PYGO1: variants seen among roughly 807,000 people sequenced by gnomAD.
The protein encoded by PYGO1 is pygopus family PHD finger 1.
Under a neutral mutation model 29.5 loss-of-function variants are expected in PYGO1, and 6 were observed. The ratio of observed to expected loss-of-function variants is 0.20; its 90% confidence interval spans 0.11 to 0.40. The LOEUF is 0.40. Among genes scored for constraint, PYGO1 ranks in the 10% least tolerant of loss-of-function variants. The pLI, the probability that PYGO1 is intolerant of heterozygous loss-of-function variation, is 1.00. For missense variants in PYGO1, 515 were observed against 514.9 expected, an observed-to-expected ratio of 1.00 and a Z score of 0.00; for synonymous variants, 186 against 180.5, an observed-to-expected ratio of 1.03 and a Z score of -0.24.
chr15:55,553,421 G>A lies in PYGO1; in HGVS notation c.50-4426C>T, dbSNP rs7167923. On this transcript the variant is annotated intron_variant, in intron 1 of 2. Transcript: ENST00000563719. ...TTCCTTTTTTTTTTTTTTTAAGAAGGAGTTTCGCTCTGTTGCCAGGCTGGA... is the reference window on the plus strand; with the variant it reads ...TTCCTTTTTTTTTTTTTTTAAGAAGAAGTTTCGCTCTGTTGCCAGGCTGGA... 8.6e-3 allele frequency among the ~76,000 whole-genome samples: 1,303 copies of A among 150,820 alleles called. 15 individuals carry two copies. Among genetic ancestry groups the A allele is most frequent in the African/African-American group, 0.03 (1,214 of 40,992 alleles).
At chr15:55,575,444 T>C (rs976270359) in intron 1 of PYGO1, among the ~76,000 whole-genome samples, 1 of 152,200 alleles carries the variant, frequency 6.6e-6, no homozygotes, top group African/African-American at 2.4e-5. Flanking sequence ...ACTGTGTTTT[T>C]GTAGGAAATA....
rs1193827127 is a variant in PYGO1 at position 55,587,848 on chromosome 15, C to A, written c.36G>T (p.Leu12=). Residue 12 remains leucine (L), a synonymous_variant, in exon 1 of 3, where the codon CTG becomes CTT. Coordinates refer to ENST00000563719, the MANE Select transcript of PYGO1 (RefSeq NM_001367806.1). ...CTTCTCGGTTACCTCGAACTCTCTT[C>A]AGCGAAATGGGATCCTTCTCCTGTT... is the stretch of plus-strand genomic sequence containing the variant. The part of the protein sequence containing the change: ...SAEQEKDPIS[L]KRVRGGDSGL... The A allele has an allele frequency of 1.3e-6, 2 of 1,493,942 alleles. No individual in the cohort carries two copies. Among genetic ancestry groups the A allele is most frequent in the Admixed American group, 2.1e-5 (1 of 46,868 alleles). The allele number at this position is 1,493,942 out of a possible 1,614,324, so 92.5% of individuals were successfully genotyped here. A position where few individuals can be genotyped will look rare whatever the true frequency, so the allele number is the denominator to read the frequency against.
intron 1 of PYGO1, among the ~76,000 whole-genome samples, chr15:55,566,532 T>C (rs900160024): frequency 6.6e-6 from 1 of 152,182 alleles, no homozygotes; most frequent in African/African-American, 2.4e-5. Context: ...AGTGGTGCCA[T>C]GTACATGTGA....
In PYGO1 at chr15:55,546,369, T is replaced by C; in HGVS notation, c.914A>G (p.Asn305Ser). The C allele has an allele frequency of 6.2e-7, 1 of 1,614,208 alleles. No homozygotes were observed. Among genetic ancestry groups the C allele is most frequent in the Non-Finnish European group, 8.5e-7 (1 of 1,180,038 alleles). ...TGCACCTCTTGGTTGTCGTGGCTTA[T>C]TCTGCGTCCCATTTGCAGGGTTATT... ...TNNNPANGTQ[N>S]KPRQPRGAAD... Residue 305 changes from asparagine (N) to serine (S), a missense_variant, in exon 3 of 3, where the codon AAT (asparagine) becomes AGT (serine). Physicochemically the swap from Asn to Ser is conservative, Grantham distance 46 (BLOSUM62 1). Transcript: ENST00000563719.
intron 2 of PYGO1, among the ~76,000 whole-genome samples, chr15:55,548,131 T>C (rs2141645328): frequency 6.6e-6 from 1 of 152,196 alleles, no homozygotes; most frequent in Middle Eastern, 3.4e-3. Context: ...GCAATTCTCA[T>C]GCCTCAGCCT....
chr15:55,586,673 GC>G (rs568332952), intron 1 of PYGO1, among the ~76,000 whole-genome samples: 579 of 152,262 alleles, frequency 3.8e-3, no homozygotes, highest in Non-Finnish European at 6.7e-3. Context: ...AGACACAGGG[GC>G]TTTGCATTTG....
In PYGO1 at chr15:55,545,713, T is replaced by C; in HGVS notation, c.*310A>G. Reference sequence around the variant, plus strand: ...CACGTTTTTCAATGATTCTAACTTTTAAAAGTTAAAACTTGCCTACATTTG... The same window carrying C: ...CACGTTTTTCAATGATTCTAACTTTCAAAAGTTAAAACTTGCCTACATTTG... On this transcript the variant is annotated 3_prime_UTR_variant, in exon 3 of 3. Coordinates refer to ENST00000563719, the MANE Select transcript of PYGO1 (RefSeq NM_001367806.1). The C allele has an allele frequency of 4.7e-6, 1 of 211,754 alleles. No homozygotes were observed. The highest frequency in any genetic ancestry group is 9.3e-6 in the Non-Finnish European group (1 of 107,064). The allele number at this position is 211,754 out of a possible 1,614,324, so 13.1% of individuals were successfully genotyped here.
At chr15:55,570,031 G>C (rs1309443533) in intron 1 of PYGO1, among the ~76,000 whole-genome samples, 3 of 152,158 alleles carry the variant, frequency 2.0e-5, no homozygotes, top group African/African-American at 7.2e-5. Flanking sequence ...TCCAGGGCTT[G>C]GGAGAAACAA....
rs1269039140 is a variant in PYGO1, at chr15:55,546,900, G to C, written c.383C>G (p.Pro128Arg). Residue 128 changes from proline (P) to arginine (R), a missense_variant, in exon 3 of 3, where the codon CCA becomes CGA. Pro to Arg is a moderately radical substitution (Grantham distance 103). Transcript: ENST00000563719. ...CAGAGGATTCTGAGGAAATGGGTGT[G>C]GCTGGTTCCTGAGTGAGTAAGGACC... ...YCGPYSLRNQPHPFPQNPLGM... is the reference protein window; with the variant it reads ...YCGPYSLRNQRHPFPQNPLGM... 6.2e-7 allele frequency: 1 copy of C among 1,614,148 alleles called. No homozygotes were observed. The highest frequency in any genetic ancestry group is 8.5e-7 in the Non-Finnish European group (1 of 1,180,028).
chr15:55,545,892 G>A lies in PYGO1; in HGVS notation c.*131C>T. ...AAAAAATTTGCTCTAGTGATGAAGT[G>A]ATTAATAAAAACTAAGTAAATAATG... On this transcript the variant is annotated 3_prime_UTR_variant, in exon 3 of 3. Transcript: ENST00000563719. 9.4e-7 allele frequency: 1 copy of A among 1,066,810 alleles called. No individual in the cohort carries two copies. The highest frequency in any genetic ancestry group is 1.3e-6 in the Non-Finnish European group (1 of 762,064). 66.1% of individuals were successfully genotyped at this position (1,066,810 alleles called of 1,614,324 possible).
In PYGO1 at chr15:55,544,355, T is replaced by C. The variant is rs1340511763; in HGVS notation, c.*1668A>G. On this transcript the variant is annotated 3_prime_UTR_variant, in exon 3 of 3. Transcript: ENST00000563719. ...TTGTTAACATCTTCCAGTTACTTCATCTCGATTGGGGAATGCATTGTTTCT... is the reference window on the plus strand; with the variant it reads ...TTGTTAACATCTTCCAGTTACTTCACCTCGATTGGGGAATGCATTGTTTCT... The C allele has an allele frequency of 6.6e-6, 1 of 152,202 alleles. No homozygotes were observed. 9.4% of individuals were successfully genotyped at this position (152,202 alleles called of 1,614,324 possible). A position where few individuals can be genotyped will look rare whatever the true frequency, so the allele number is the denominator to read the frequency against.
rs950012329 is a variant in PYGO1 at position 55,540,890 on chromosome 15, A to G, written c.*5133T>C. Reference sequence around the variant, plus strand: ...AAGAGGTATATGTAAACAGTACATAAGGAAGAAATAGTTTTAATATGAAAC... The same window carrying G: ...AAGAGGTATATGTAAACAGTACATAGGGAAGAAATAGTTTTAATATGAAAC... On this transcript the variant is annotated 3_prime_UTR_variant, in exon 3 of 3. Transcript: ENST00000563719. 1 of 152,240 alleles carries G rather than the reference A, an allele frequency of 6.6e-6. No homozygotes were observed. The highest frequency in any genetic ancestry group is 6.5e-5 in the Admixed American group (1 of 15,282). The allele number at this position is 152,240 out of a possible 1,614,324, so 9.4% of individuals were successfully genotyped here. A position where few individuals can be genotyped will look rare whatever the true frequency, so the allele number is the denominator to read the frequency against.
chr15:55,557,983 G>C (rs557737311), intron 1 of PYGO1, among the ~76,000 whole-genome samples: 1 of 152,270 alleles, frequency 6.6e-6, no homozygotes, highest in East Asian at 1.9e-4. Flanking sequence ...GCATAGTGTT[G>C]GAAGTTCTGG....
chr15:55,558,088 G>C (rs1319207796), intron 1 of PYGO1, among the ~76,000 whole-genome samples: 7 of 152,160 alleles, frequency 4.6e-5, no homozygotes, highest in Non-Finnish European at 1.0e-4. Context: ...TGATTGTATA[G>C]TTAGAACACC....
In PYGO1 at chr15:55,547,107, G is replaced by T. The variant is rs1170267075; in HGVS notation, c.176C>A (p.Pro59Gln). 1 of 1,610,094 alleles carries T rather than the reference G, an allele frequency of 6.2e-7. No homozygotes were observed. Among genetic ancestry groups the T allele is most frequent in the Middle Eastern group, 1.7e-4 (1 of 6,058 alleles). The change falls in exon 3 of 3, where the codon CCG becomes CAG. Residue 59 changes from proline (P) to glutamine (Q), a missense_variant. Pro to Gln is a moderately conservative substitution (Grantham distance 76, BLOSUM62 -1). Transcript: ENST00000563719. ...FPPLSEYAPP[P>Q]NPNSDHLVAA... is the part of the protein sequence containing the mutation. Reference sequence around the variant, plus strand: ...CACTAGATGGTCAGAGTTTGGATTCGGTGGTGGAGCATACTCAGACAATGG... The same window carrying T: ...CACTAGATGGTCAGAGTTTGGATTCTGTGGTGGAGCATACTCAGACAATGG...
chr15:55,565,174 C>A (rs575482283), intron 1 of PYGO1, among the ~76,000 whole-genome samples: 3 of 151,918 alleles, frequency 2.0e-5, no homozygotes, highest in Admixed American at 6.6e-5. Flanking sequence ...ACAGCCCAAT[C>A]GAGGGATTAA....
At chr15:55,558,709 A>C (rs1204956210) in intron 1 of PYGO1, among the ~76,000 whole-genome samples, 1 of 152,020 alleles carries the variant, frequency 6.6e-6, no homozygotes, top group East Asian at 1.9e-4. Flanking sequence ...TCTTTGACAA[A>C]CCTGACAAAA....
chr15:55,558,605 A>G (rs2058918270), intron 1 of PYGO1, among the ~76,000 whole-genome samples: 1 of 152,078 alleles, frequency 6.6e-6, no homozygotes, highest in Non-Finnish European at 1.5e-5. Flanking sequence ...CTACACTACA[A>G]GGCTACAGTA....
chr15:55,565,666 G>C (rs1350041731), intron 1 of PYGO1, among the ~76,000 whole-genome samples: 1 of 152,106 alleles, frequency 6.6e-6, no homozygotes, highest in Non-Finnish European at 1.5e-5. Flanking sequence ...AGTGAGCCAA[G>C]ATCGCACCAC....
Sources: allele counts gnomAD v4.1 joint callset (sites outside exome capture counted in the v4.1 genomes callset), GRCh38; gene constraint gnomAD v4.1.1; transcripts MANE v1.5; gene names NCBI Gene and HGNC (gene_info 2026-07-23, HGNC 2026-07-21).